GRIK4: variants seen among roughly 807,000 people sequenced by gnomAD.
GRIK4 encodes the protein glutamate receptor ionotropic, kainate 4.
Under a neutral mutation model 104.9 loss-of-function variants are expected in GRIK4, and 40 were observed. The ratio of observed to expected loss-of-function variants is 0.38; its 90% CI spans 0.30 to 0.50. The LOEUF is 0.50. Among genes scored for constraint, GRIK4 ranks in the 20% least tolerant of loss-of-function variants. The probability of loss-of-function intolerance (pLI) is 0.93; values close to 1 mark genes in which losing one functional copy is unlikely to be tolerated. For missense variants in GRIK4, 1,047 were observed against 1,308.1 expected (o/e 0.80, Z 3.08); for synonymous variants, 485 against 524.9 (o/e 0.92, Z 1.04).
intron 1 of GRIK4, among the ~76,000 whole-genome samples, chr11:120,537,225 G>A (rs1252691773): frequency 1.3e-5 from 2 of 152,160 alleles, no homozygotes; most frequent in African/African-American, 2.4e-5. Flanking sequence ...TAGTGGACAT[G>A]CAGGATCCCT....
chr11:120,924,157 T>C (rs1943287957), intron 13 of GRIK4, among the ~76,000 whole-genome samples: 1 of 152,166 alleles, frequency 6.6e-6, no homozygotes, highest in East Asian at 1.9e-4. Context: ...TTCATCCAAA[T>C]GAGAATGAAA....
rs11501141 is a variant in GRIK4, at chr11:120,762,094, G to A, written c.83-40599G>A. Among the ~76,000 whole-genome samples the A allele has an allele frequency of 1.5e-3, 227 of 151,938 alleles. 1 individual carries two copies. The highest frequency in any genetic ancestry group is 5.2e-3 in the African/African-American group (216 of 41,494). On this transcript the variant is annotated intron_variant, in intron 3 of 20. Transcript: ENST00000527524. The stretch of plus-strand genomic sequence containing the variant: ...ATCCATGAGCATGGAATGTTTTTCC[G>A]TTTGTGTCCTCTCTTATTTCCTTGA...
chr11:120,659,089 A>G (rs1949769153), intron 2 of GRIK4, among the ~76,000 whole-genome samples: 1 of 152,124 alleles, frequency 6.6e-6, no homozygotes, highest in Admixed American at 6.5e-5. Context: ...ACCTGGGATT[A>G]GCATATCCAG....
intron 3 of GRIK4, among the ~76,000 whole-genome samples, chr11:120,785,585 A>G (rs981839856): frequency 1.3e-5 from 2 of 152,202 alleles, no homozygotes; most frequent in African/African-American, 4.8e-5. Context: ...ATAGACCAAA[A>G]GGTGAACCTT....
intron 11 of GRIK4, among the ~76,000 whole-genome samples, chr11:120,886,618 C>T (rs1052679209): frequency 5.3e-5 from 8 of 152,162 alleles, no homozygotes; most frequent in African/African-American, 4.8e-5. Flanking sequence ...AAAAATGGTT[C>T]GGTATTCCCT....
chr11:120,854,858 T>C (rs930308864), intron 8 of GRIK4, among the ~76,000 whole-genome samples: 2 of 152,330 alleles, frequency 1.3e-5, no homozygotes, highest in Non-Finnish European at 2.9e-5. Context: ...TAAAAGATTT[T>C]TTTTTAAAGA....
At chr11:120,779,065 A>G (rs547356080) in intron 3 of GRIK4, among the ~76,000 whole-genome samples, 1 of 152,162 alleles carries the variant, frequency 6.6e-6, no homozygotes, top group African/African-American at 2.4e-5. Context: ...GTGCACCAGG[A>G]CCTCAGTTGT....
chr11:120,534,625 C>T (rs1055188069), intron 1 of GRIK4, among the ~76,000 whole-genome samples: 5 of 152,130 alleles, frequency 3.3e-5, no homozygotes, highest in African/African-American at 7.2e-5. Flanking sequence ...TGGTGGAAAA[C>T]GCTGTAGTAA....
chr11:120,783,286 G>C (rs1057442434), intron 3 of GRIK4, among the ~76,000 whole-genome samples: 4 of 152,210 alleles, frequency 2.6e-5, no homozygotes, highest in African/African-American at 7.2e-5. Context: ...CTCTGAGAAT[G>C]TGCGTGCATC....
chr11:120,638,727 T>C (rs1006968309), intron 1 of GRIK4, among the ~76,000 whole-genome samples: 4 of 151,982 alleles, frequency 2.6e-5, no homozygotes, highest in African/African-American at 9.7e-5. Context: ...TCCGCCCGTC[T>C]CGGCCTCCCA....
At chr11:120,564,168 G>A (rs1948276786) in intron 1 of GRIK4, among the ~76,000 whole-genome samples, 1 of 152,190 alleles carries the variant, frequency 6.6e-6, no homozygotes, top group Non-Finnish European at 1.5e-5. Context: ...CTCTCCCCAC[G>A]TGCGCGCTAG....
chr11:120,798,283 C>T (rs544515879), intron 3 of GRIK4, among the ~76,000 whole-genome samples: 7 of 150,936 alleles, frequency 4.6e-5, no homozygotes, highest in South Asian at 4.2e-4. Context: ...CTTAGTCTCC[C>T]GAGTAGCTGG....
chr11:120,766,032 T>C (rs945237066), intron 3 of GRIK4, among the ~76,000 whole-genome samples: 1 of 152,218 alleles, frequency 6.6e-6, no homozygotes, highest in African/African-American at 2.4e-5. Context: ...AATGTTTAAG[T>C]CTGCTGAAGT....
chr11:120,792,434 G>A (rs1467752923), intron 3 of GRIK4, among the ~76,000 whole-genome samples: 3 of 151,948 alleles, frequency 2.0e-5, no homozygotes, highest in East Asian at 1.9e-4. Flanking sequence ...ACTTCAAAGC[G>A]CACACTCTGG....
rs10566673 is a variant in GRIK4 at position 120,645,130 on chromosome 11, AGT to A, written c.-158-8538_-158-8537del. ...ATATGTATATGCATATATGGTGTGT[AGT>A]GTGTGTGTGTGTGTGTATGTGTATG... is the stretch of plus-strand genomic sequence containing the variant. On this transcript the variant is annotated intron_variant, in intron 1 of 20. Coordinates refer to ENST00000527524, the MANE Select transcript of GRIK4 (RefSeq NM_014619.5). Among the ~76,000 whole-genome samples, 16 of 151,100 alleles carry A rather than the reference AGT, an allele frequency of 1.1e-4. No homozygotes were observed. The East Asian group carries it at 1.6e-3, about 15-fold the overall frequency.
rs1942782542 is a variant in GRIK4, at chr11:120,903,198, C to A, written c.1273-2092C>A. 6.6e-6 allele frequency among the ~76,000 whole-genome samples: 1 copy of A among 152,158 alleles called. No homozygotes were observed. Among genetic ancestry groups the A allele is most frequent in the African/African-American group, 2.4e-5 (1 of 41,434 alleles). On this transcript the variant is annotated intron_variant, in intron 12 of 20. Coordinates refer to ENST00000527524, the MANE Select transcript of GRIK4 (RefSeq NM_014619.5). This position sits in a 1 kb window ranked among gnomAD's most constrained non-coding sequence, Gnocchi z 4.4. ...ACCCAAGCCCGATTGTCCCTGCCACCCCTGCTCCCAGCTGCCTGTCTGCAT... is the reference window on the plus strand; with the variant it reads ...ACCCAAGCCCGATTGTCCCTGCCACACCTGCTCCCAGCTGCCTGTCTGCAT...
intron 1 of GRIK4, among the ~76,000 whole-genome samples, chr11:120,623,430 G>A (rs1949214451): frequency 6.6e-6 from 1 of 151,980 alleles, no homozygotes; most frequent in African/African-American, 2.4e-5. Flanking sequence ...ACCGCACCCG[G>A]CCCCCTGTAC....
At chr11:120,883,808 G>A (rs1476869300) in intron 11 of GRIK4, among the ~76,000 whole-genome samples, 1 of 152,224 alleles carries the variant, frequency 6.6e-6, no homozygotes, top group Non-Finnish European at 1.5e-5. Flanking sequence ...GCCCCATCAC[G>A]CTTCTGCCTG....
intron 3 of GRIK4, among the ~76,000 whole-genome samples, chr11:120,711,929 G>A (rs1476297108): frequency 6.6e-6 from 1 of 152,198 alleles, no homozygotes; most frequent in Non-Finnish European, 1.5e-5. Context: ...GGTCTGAGTA[G>A]CTTCATTAAG....
Sources: gnomAD v4.1 joint callset for allele counts (sites outside exome capture counted in the v4.1 genomes callset) on GRCh38, gnomAD v4.1.1 for gene constraint, Gnocchi (gnomAD v3.1) non-coding constraint, MANE v1.5 for transcripts, NCBI Gene and HGNC (gene_info 2026-07-23, HGNC 2026-07-21) for gene names.